Variants in ABHD5 observed in about 807,000 individuals in gnomAD.
ABHD5 encodes abhydrolase domain containing 5, lysophosphatidic acid acyltransferase.
A neutral mutation model predicts 44.9 loss-of-function variants in ABHD5; 30 were observed. The ratio of observed to expected loss-of-function variants is 0.67; its 90% CI spans 0.50 to 0.91. The LOEUF (loss-of-function observed/expected upper bound fraction) is 0.91, where lower values mean the gene tolerates loss of function less well. Ranked by LOEUF, ABHD5 falls within the 40% of genes least tolerant of loss-of-function variation. The pLI, the probability that ABHD5 is intolerant of heterozygous loss-of-function variation, is 0.00. For synonymous variants in ABHD5, 167 were observed against 147.0 expected (o/e 1.14, Z -0.99); for missense variants, 399 against 423.4 (o/e 0.94, Z 0.50).
At chr3:43,725,700 T>C (rs897356288), downstream of ABHD5, among the ~76,000 whole-genome samples, 2 of 152,180 alleles carry the variant, frequency 1.3e-5, no homozygotes, top group African/African-American at 4.8e-5. Flanking sequence ...TGCCACATTG[T>C]ATGATTCTGG....
Position 43,721,023 on chromosome 3 carries a change from G to A in ABHD5, c.*2491G>A, listed in dbSNP as rs2149608670. On this transcript the variant is annotated 3_prime_UTR_variant, in exon 7 of 7. Transcript: ENST00000644371. ...TATATTTATACTTAAAGGGCCATAC[G>A]CGATTTCAATAAAACAAGAAGTACT... The A allele has an allele frequency of 6.6e-6, 1 of 151,644 alleles. No individual in the cohort carries two copies. The highest frequency in any genetic ancestry group is 2.1e-4 in the South Asian group (1 of 4,808). 9.4% of individuals were successfully genotyped at this position (151,644 alleles called of 1,614,324 possible).
At chr3:43,717,974 C>T in intron 6 of ABHD5, 117 bp downstream of exon 6, 1 of 1,360,630 alleles carries the variant, frequency 7.3e-7, no homozygotes. Flanking sequence ...ATACCTGCAG[C>T]CTCAGTCGGG....
At chr3:43,733,023 T>C (rs568294634) in intron 7 of ABHD5, among the ~76,000 whole-genome samples, 7 of 152,348 alleles carry the variant, frequency 4.6e-5, no homozygotes, top group African/African-American at 1.7e-4. Context: ...CATCAAAGCA[T>C]GTAAACCAAG....
At chr3:43,711,945 AAAAC>A (rs2084693812) in intron 4 of ABHD5, 82 bp downstream of exon 4, 6 of 1,589,988 alleles carry the variant, frequency 3.8e-6, no homozygotes, top group Admixed American at 3.3e-5. Context: ...CAAAATCTTA[AAAAC>A]AAACAAGAAA....
intron 2 of ABHD5, among the ~76,000 whole-genome samples, chr3:43,701,166 T>A (rs1329984707): frequency 1.3e-5 from 2 of 152,196 alleles, no homozygotes; most frequent in South Asian, 2.1e-4. Context: ...AGATGGTTTT[T>A]ATGGGAATAC....
At chr3:43,700,726 A>T (rs767509532) in intron 2 of ABHD5, among the ~76,000 whole-genome samples, 6 of 145,592 alleles carry the variant, frequency 4.1e-5, no homozygotes, top group Non-Finnish European at 9.3e-5. Flanking sequence ...GGCACCTGCC[A>T]CCATACCCAG....
At chr3:43,714,872 A>T (rs745679121) in intron 4 of ABHD5, 75 bp from the exon 5 acceptor site, 200 of 1,055,634 alleles carry the variant, frequency 1.9e-4, no homozygotes, top group Non-Finnish European at 2.7e-4. Flanking sequence ...ACAAGCACTA[A>T]AACTTTCTAT....
chr3:43,716,119 A>G (rs566273840), intron 5 of ABHD5, among the ~76,000 whole-genome samples: 1 of 152,272 alleles, frequency 6.6e-6, no homozygotes, highest in Admixed American at 6.5e-5. Flanking sequence ...ACCAGTGGAG[A>G]AAACAGAGCC....
Position 43,711,690 on chromosome 3 carries a change from A to G in ABHD5, c.507-19A>G. On this transcript the variant is annotated intron_variant, in intron 3 of 6. Transcript: ENST00000644371. ...GTGATTTTACCAAATGAACTTAAAT[A>G]TATTCTTTCCCCCAACAGGGTTAAT... The G allele has an allele frequency of 4.3e-6, 7 of 1,613,946 alleles. No homozygotes were observed. Among genetic ancestry groups the G allele is most frequent in the Non-Finnish European group, 5.9e-6 (7 of 1,179,834 alleles).
At chr3:43,728,515 C>T (rs1019109807) in intron 7 of ABHD5, among the ~76,000 whole-genome samples, 1 of 152,112 alleles carries the variant, frequency 6.6e-6, no homozygotes, top group Non-Finnish European at 1.5e-5. Flanking sequence ...CTCCACACCT[C>T]CACTCTCCAA....
chr3:43,716,499 G>T (rs573075766), intron 5 of ABHD5, among the ~76,000 whole-genome samples: 120 of 152,194 alleles, frequency 7.9e-4, no homozygotes, highest in African/African-American at 2.8e-3. Context: ...CAGAAAATAT[G>T]TACACCTACT....
intron 7 of ABHD5, among the ~76,000 whole-genome samples, chr3:43,731,784 G>A (rs112601809): frequency 0.02 from 3,001 of 152,272 alleles, 51 homozygotes; most frequent in African/African-American, 0.046. Context: ...GGTGAGCTGA[G>A]ATCGTGCCAT....
chr3:43,718,370 C>T (rs1345122190), intron 6 of ABHD5, 73 bp from the exon 7 acceptor site: 1 of 1,237,188 alleles, frequency 8.1e-7, no homozygotes, highest in Non-Finnish European at 1.2e-6. Context: ...TACTAAGTGT[C>T]TTTGCTTATA....
intron 7 of ABHD5, among the ~76,000 whole-genome samples, chr3:43,732,438 A>G (rs1162359929): frequency 1.3e-5 from 2 of 152,054 alleles, no homozygotes; most frequent in African/African-American, 4.8e-5. Context: ...CTCAAAAACA[A>G]AACAAAACAA....
At chr3:43,711,978 T>C (rs2084694348) in intron 4 of ABHD5, 115 bp downstream of exon 4, 2 of 1,369,340 alleles carry the variant, frequency 1.5e-6, no homozygotes, top group Non-Finnish European at 2.1e-6. Context: ...CCCTTACTTT[T>C]TCTCCTCTTC....
chr3:43,701,695 C>T (rs1414493856), intron 2 of ABHD5, among the ~76,000 whole-genome samples: 1 of 152,194 alleles, frequency 6.6e-6, no homozygotes, highest in Non-Finnish European at 1.5e-5. Flanking sequence ...TAAGGTTTCA[C>T]TTACATGTTT....
chr3:43,727,328 A>G (rs970374647), downstream of ABHD5, among the ~76,000 whole-genome samples: 2 of 152,228 alleles, frequency 1.3e-5, no homozygotes, highest in African/African-American at 4.8e-5. Context: ...AGTTATCAGC[A>G]GGTGGGTTAG....
rs372094906 is a variant in ABHD5, at chr3:43,711,721, C to T, written c.519C>T (p.Leu173=). ...SLKYPSRVNH[L]ILVEPWGFPE... is the part of the protein sequence containing the mutation. The stretch of plus-strand genomic sequence containing the variant: ...TTTCCCCCAACAGGGTTAATCATCT[C>T]ATTTTAGTGGAGCCTTGGGGTTTCC... Residue 173 remains leucine, a synonymous_variant, in exon 4 of 7, where the codon CTC becomes CTT. Transcript: ENST00000644371. The T allele has an allele frequency of 2.2e-5, 35 of 1,614,062 alleles. No individual in the cohort carries two copies. The African/African-American group carries it at 4.4e-4, about 20-fold the overall frequency.
chr3:43,714,407 A>G (rs1277923970), intron 4 of ABHD5, among the ~76,000 whole-genome samples: 1 of 152,096 alleles, frequency 6.6e-6, no homozygotes. Flanking sequence ...TGCTGGGATT[A>G]CAGGCTTGAG....
Sources: allele counts gnomAD v4.1 joint callset (sites outside exome capture counted in the v4.1 genomes callset), GRCh38; gene constraint gnomAD v4.1.1; transcripts MANE v1.5; gene names NCBI Gene and HGNC (gene_info 2026-07-23, HGNC 2026-07-21).